KCNJ10: variants seen among roughly 807,000 people sequenced by gnomAD.
KCNJ10 encodes potassium inwardly rectifying channel subfamily J member 10, also known as ATP-sensitive inward rectifier potassium channel 10.
In KCNJ10, 9 loss-of-function variants were observed where a neutral mutation model predicts 22.2. The observed-to-expected ratio is 0.40, with a 90% CI of 0.24 to 0.71. KCNJ10 has a LOEUF of 0.71. KCNJ10 is among the 30% of genes least tolerant of loss of function. KCNJ10 has a pLI of 0.35. For missense variants in KCNJ10, 337 were observed against 482.7 expected (o/e 0.70, Z 2.83); for synonymous variants, 184 against 187.3 (o/e 0.98, Z 0.15).
intron 1 of KCNJ10, chr1:160,064,756 C>A (rs1260456930): frequency 6.6e-6 from 1 of 152,230 alleles, no homozygotes; most frequent in African/African-American, 2.4e-5. Flanking sequence ...GAGGTTTAGA[C>A]ACGTGGAGAA....
chr1:160,038,842 A>AC lies in KCNJ10; in HGVS notation c.*2550dup, dbSNP rs1451204740. 1 of 151,836 alleles carries AC rather than the reference A, an allele frequency of 6.6e-6. No individual in the cohort carries two copies. The highest frequency in any genetic ancestry group is 1.5e-5 in the Non-Finnish European group (1 of 68,000). 9.4% of individuals were successfully genotyped at this position (151,836 alleles called of 1,614,324 possible). A position where few individuals can be genotyped will look rare whatever the true frequency, so the allele number is the denominator to read the frequency against. The stretch of plus-strand genomic sequence containing the variant: ...AGCATCATTTCTTTCTCATCTTCTC[A>AC]CCCCAGGTATCTTCCCCCATCAGTT... On this transcript the variant is annotated 3_prime_UTR_variant, in exon 2 of 2. Transcript: ENST00000644903.
chr1:160,052,877 T>C (rs1347892882), intron 1 of KCNJ10, among the ~76,000 whole-genome samples: 1 of 152,228 alleles, frequency 6.6e-6, no homozygotes, highest in East Asian at 1.9e-4. Flanking sequence ...GGACTAAATT[T>C]AGTATATTTC....
chr1:160,053,741 C>T, intron 1 of KCNJ10, among the ~76,000 whole-genome samples: 1 of 152,130 alleles, frequency 6.6e-6, no homozygotes, highest in South Asian at 2.1e-4. Context: ...CATCGAGGCC[C>T]TGGCCCATGG....
At chr1:160,061,695 TG>T (rs1470333853) in intron 1 of KCNJ10, among the ~76,000 whole-genome samples, 3 of 116,126 alleles carry the variant, frequency 2.6e-5, no homozygotes, top group Non-Finnish European at 5.1e-5. Context: ...AGCAAGGGCA[TG>T]GGGGGGAGGG....
chr1:160,051,228 G>C (rs1648895792), intron 1 of KCNJ10, among the ~76,000 whole-genome samples: 1 of 152,062 alleles, frequency 6.6e-6, no homozygotes, highest in Non-Finnish European at 1.5e-5. Context: ...GGCCTAGCCT[G>C]CTGGTCATTC....
intron 1 of KCNJ10, among the ~76,000 whole-genome samples, chr1:160,050,862 C>G (rs1648885582): frequency 6.6e-6 from 1 of 152,106 alleles, no homozygotes; most frequent in East Asian, 1.9e-4. Flanking sequence ...GGGCCAGGGT[C>G]AGGCCCTGCA....
At chr1:160,056,679 C>T (rs1370964001) in intron 1 of KCNJ10, among the ~76,000 whole-genome samples, 1 of 152,220 alleles carries the variant, frequency 6.6e-6, no homozygotes, top group African/African-American at 2.4e-5. Context: ...TCTTTGAAGG[C>T]ACAGACTGTA....
chr1:160,058,650 G>A (rs1649103472), intron 1 of KCNJ10, among the ~76,000 whole-genome samples: 1 of 152,154 alleles, frequency 6.6e-6, no homozygotes. Flanking sequence ...AAGAAGAGGA[G>A]AGGAAGTGGA....
chr1:160,067,208 G>T (rs1160692463), intron 1 of KCNJ10, among the ~76,000 whole-genome samples: 5 of 152,056 alleles, frequency 3.3e-5, no homozygotes, highest in African/African-American at 1.2e-4. Context: ...GCTCCAAGCT[G>T]GCAAACACCC....
chr1:160,057,534 A>C (rs1386374908), intron 1 of KCNJ10, among the ~76,000 whole-genome samples: 1 of 152,206 alleles, frequency 6.6e-6, no homozygotes, highest in Non-Finnish European at 1.5e-5. Flanking sequence ...TGTGCTGAAG[A>C]CTGCTGAGTA....
rs1648553367 is a variant in KCNJ10 at position 160,039,423 on chromosome 1, C to CA, written c.*1969dup. The CA allele has an allele frequency of 7.0e-6, 1 of 142,848 alleles. No individual in the cohort carries two copies. The highest frequency in any genetic ancestry group is 2.6e-5 in the African/African-American group (1 of 38,124). 8.8% of individuals were successfully genotyped at this position (142,848 alleles called of 1,614,324 possible). On this transcript the variant is annotated 3_prime_UTR_variant, in exon 2 of 2. Transcript: ENST00000644903. ...ACACACACACACACACACACACACA[C>CA]AGCAGTACATCTTGTCCCTACACAC...
At chr1:160,044,449 C>T (rs1030844084) in intron 1 of KCNJ10, among the ~76,000 whole-genome samples, 1 of 152,052 alleles carries the variant, frequency 6.6e-6, no homozygotes, top group Non-Finnish European at 1.5e-5. Context: ...CTCATTTGAT[C>T]CTCAAACTCT....
In KCNJ10 at chr1:160,041,569, T is replaced by G; in HGVS notation, c.964A>C (p.Lys322Gln). Reference sequence around the variant, plus strand: ...AAAAGGCTAAAGTCAGCTATGTATTTACCACTGGCTGACAGTGAGATGGCA... The same window carrying G: ...AAAAGGCTAAAGTCAGCTATGTATTGACCACTGGCTGACAGTGAGATGGCA... ...TPAISLSASG[K>Q]YIADFSLFDQ... The change falls in exon 2 of 2, where the codon AAA becomes CAA. Residue 322 changes from lysine (K) to glutamine (Q), a missense_variant. This residue lies in a region of KCNJ10 where 165 missense variants were observed against 281.5 expected (regional missense o/e 0.59). Coordinates refer to ENST00000644903, the MANE Select transcript of KCNJ10 (RefSeq NM_002241.5). This position sits in a 1 kb window ranked among gnomAD's most constrained non-coding sequence, Gnocchi z 4.4. 6.2e-7 allele frequency: 1 copy of G among 1,614,186 alleles called. No individual in the cohort carries two copies. Among genetic ancestry groups the G allele is most frequent in the Non-Finnish European group, 8.5e-7 (1 of 1,180,032 alleles).
chr1:160,038,616 T>A lies in KCNJ10; in HGVS notation c.*2777A>T, dbSNP rs1648531872. ...TATCTGCCCCCAATGCTAAAGTCTC[T>A]GAATATTTCCTTTCTGTACATTCAA... On this transcript the variant is annotated 3_prime_UTR_variant, in exon 2 of 2. Transcript: ENST00000644903. 1 of 152,254 alleles carries A rather than the reference T, an allele frequency of 6.6e-6. No homozygotes were observed. The highest frequency in any genetic ancestry group is 1.5e-5 in the Non-Finnish European group (1 of 68,050). The allele number at this position is 152,254 out of a possible 1,614,324, so 9.4% of individuals were successfully genotyped here.
intron 1 of KCNJ10, among the ~76,000 whole-genome samples, chr1:160,059,086 G>T (rs565576406): frequency 5.9e-5 from 9 of 152,294 alleles, no homozygotes; most frequent in African/African-American, 2.2e-4. Context: ...CCCTAGGGGG[G>T]CAATAGCATT....
rs138970826 is a variant in KCNJ10 at position 160,057,797 on chromosome 1, C to T, written c.-1+12225G>A. ...CAGGGTTCTCCACCTGAGAGAAGGG[C>T]GGGGGAGGCTGACCAGATCCCAGCT... On this transcript the variant is annotated intron_variant, in intron 1 of 1. Coordinates refer to ENST00000644903, the MANE Select transcript of KCNJ10 (RefSeq NM_002241.5). Among the ~76,000 whole-genome samples, 542 of 152,172 alleles carry T rather than the reference C, an allele frequency of 3.6e-3. 1 individual carries two copies. The highest frequency in any genetic ancestry group is 5.7e-3 in the Non-Finnish European group (391 of 68,008).
chr1:160,041,292 G>T lies in KCNJ10; in HGVS notation c.*101C>A. 8.4e-7 allele frequency: 1 copy of T among 1,197,578 alleles called. No individual in the cohort carries two copies. The highest frequency in any genetic ancestry group is 1.2e-6 in the Non-Finnish European group (1 of 831,800). The allele number at this position is 1,197,578 out of a possible 1,614,324, so 74.2% of individuals were successfully genotyped here. ...GTTAAAGAAGAGGGAGTGGAGGATGGGTGCTTCGGGGGATCTCCAGTAAAC... is the reference window on the plus strand; with the variant it reads ...GTTAAAGAAGAGGGAGTGGAGGATGTGTGCTTCGGGGGATCTCCAGTAAAC... On this transcript the variant is annotated 3_prime_UTR_variant, in exon 2 of 2. Coordinates refer to ENST00000644903, the MANE Select transcript of KCNJ10 (RefSeq NM_002241.5). The surrounding 1 kb of genome is among the most constrained non-coding windows in gnomAD (Gnocchi z 4.4).
chr1:160,042,395 G>A lies in KCNJ10; in HGVS notation c.138C>T (p.Asp46=). Residue 46 remains aspartate (D), a synonymous_variant, in exon 2 of 2, where the codon GAC becomes GAT. Coordinates refer to ENST00000644903, the MANE Select transcript of KCNJ10 (RefSeq NM_002241.5). ...GGTCCTTGAGGTAGAGGAAGCGCTT[G>A]TCGGCAATGTGCTCCATTCTCACGT... ...RSNVRMEHIA[D]KRFLYLKDLW... 6.2e-7 allele frequency: 1 copy of A among 1,614,154 alleles called. No individual in the cohort carries two copies.
At position 160,041,456 on chromosome 1, in the gene KCNJ10, C is replaced by T. The variant is rs1209084957; in HGVS notation, c.1077G>A (p.Glu359=). 1 of 1,614,170 alleles carries T rather than the reference C, an allele frequency of 6.2e-7. No homozygotes were observed. Among genetic ancestry groups the T allele is most frequent in the Non-Finnish European group, 8.5e-7 (1 of 1,180,022 alleles). The part of the protein sequence containing the change: ...YGDPEKLKLE[E]SLREQAEKEG... ...CCTTCTCAGCTTGCTCCCTTAATGACTCCTCCAACTTGAGCTTTTCAGGGT... is the reference window on the plus strand; with the variant it reads ...CCTTCTCAGCTTGCTCCCTTAATGATTCCTCCAACTTGAGCTTTTCAGGGT... The change falls in exon 2 of 2, where the codon GAG becomes GAA. Residue 359 remains glutamate, a synonymous_variant. Transcript: ENST00000644903. The surrounding 1 kb of genome is among the most constrained non-coding windows in gnomAD (Gnocchi z 4.4).
Sources: gnomAD v4.1 joint callset for allele counts (sites outside exome capture counted in the v4.1 genomes callset) on GRCh38, gnomAD v4.1.1 for gene constraint, gnomAD v4.1.1 regional missense constraint, Gnocchi (gnomAD v3.1) non-coding constraint, MANE v1.5 for transcripts, NCBI Gene and HGNC (gene_info 2026-07-23, HGNC 2026-07-21) for gene names.